TENM3: variants seen among roughly 807,000 people sequenced by gnomAD.
The protein encoded by TENM3 is teneurin transmembrane protein 3.
In TENM3, 63 loss-of-function variants were observed where a neutral mutation model predicts 255.1. The ratio of observed to expected loss-of-function variants is 0.25; its 90% confidence interval spans 0.20 to 0.30. TENM3 has a LOEUF of 0.30. TENM3 is among the 10% of genes least tolerant of loss of function. The pLI, the probability that TENM3 is intolerant of heterozygous loss-of-function variation, is 1.00. For missense variants in TENM3, 2,929 were observed against 3,461.1 expected (o/e 0.85, Z 3.86); for synonymous variants, 1,306 against 1,322.3 (o/e 0.99, Z 0.27).
chr4:182,093,400 C>T, the TENM3 span, among the ~76,000 whole-genome samples: 1 of 149,810 alleles, frequency 6.7e-6, no homozygotes, highest in Non-Finnish European at 1.5e-5. Context: ...AATCCCCAAA[C>T]CAAAATTCCC....
intron 3 of TENM3, among the ~76,000 whole-genome samples, chr4:182,479,432 C>G (rs371170782): frequency 6.6e-6 from 1 of 151,646 alleles, no homozygotes; most frequent in East Asian, 1.9e-4. Flanking sequence ...GCCCATCATC[C>G]CCAGAACACT....
upstream of TENM3, chr4:182,141,319 G>T (rs1314251346): frequency 6.6e-6 from 1 of 152,258 alleles, no homozygotes; most frequent in African/African-American, 2.4e-5. Flanking sequence ...TGAGCTGCCC[G>T]CCATCCCCGC....
At chr4:182,047,391 G>A in the TENM3 span, among the ~76,000 whole-genome samples, 30 of 151,686 alleles carry the variant, frequency 2.0e-4, no homozygotes, top group Non-Finnish European at 3.2e-4. Flanking sequence ...GTGAAACCCC[G>A]TTTCTACTAA....
At chr4:182,102,957 T>C in the TENM3 span, among the ~76,000 whole-genome samples, 1 of 152,196 alleles carries the variant, frequency 6.6e-6, no homozygotes, top group African/African-American at 2.4e-5. Context: ...CAGAAAACCA[T>C]AATAATAACA....
At chr4:182,288,187 C>T (rs1483491742) in intron 1 of TENM3, among the ~76,000 whole-genome samples, 6 of 152,110 alleles carry the variant, frequency 3.9e-5, no homozygotes, top group African/African-American at 7.2e-5. Context: ...CCACCCTCCT[C>T]GGCCTCCCAA....
At chr4:182,254,105 C>T (rs572325480) in intron 1 of TENM3, among the ~76,000 whole-genome samples, 2 of 152,252 alleles carry the variant, frequency 1.3e-5, no homozygotes, top group Admixed American at 6.5e-5. Context: ...GATGCCAAAT[C>T]GTGTTCTGTC....
At chr4:181,926,611 G>C in the TENM3 span, among the ~76,000 whole-genome samples, 1 of 152,028 alleles carries the variant, frequency 6.6e-6, no homozygotes, top group Non-Finnish European at 1.5e-5. Context: ...CCTTGAAGCT[G>C]TTGCATTTCC....
chr4:182,770,258 C>T (rs1262710645), intron 22 of TENM3, among the ~76,000 whole-genome samples: 1 of 151,794 alleles, frequency 6.6e-6, no homozygotes, highest in Admixed American at 6.6e-5. Flanking sequence ...TGATTTTTTT[C>T]ATGGTTTGTA....
chr4:182,185,451 G>T (rs947801108), intron 1 of TENM3, among the ~76,000 whole-genome samples: 8 of 152,186 alleles, frequency 5.3e-5, no homozygotes, highest in East Asian at 1.9e-4. Context: ...TGAATCTTTG[G>T]CTTTTATGAA....
At chr4:182,066,774 G>C in the TENM3 span, among the ~76,000 whole-genome samples, 3 of 151,898 alleles carry the variant, frequency 2.0e-5, no homozygotes, top group East Asian at 5.8e-4. Context: ...AGCCGGGCGT[G>C]GTGGCAGGCG....
intron 3 of TENM3, among the ~76,000 whole-genome samples, chr4:182,561,936 G>A (rs982167018): frequency 2.0e-5 from 3 of 151,384 alleles, no homozygotes; most frequent in Admixed American, 6.6e-5. Flanking sequence ...GACATATTGT[G>A]CATATATGTA....
the TENM3 span, among the ~76,000 whole-genome samples, chr4:181,792,252 A>G: frequency 6.6e-6 from 1 of 152,262 alleles, no homozygotes; most frequent in African/African-American, 2.4e-5. Flanking sequence ...GAAGAAAAAT[A>G]TCTCGACTGC....
chr4:181,591,984 T>A, the TENM3 span, among the ~76,000 whole-genome samples: 2 of 151,696 alleles, frequency 1.3e-5, no homozygotes, highest in East Asian at 3.9e-4. Context: ...CCATACTCTA[T>A]GATTTCATTT....
intron 3 of TENM3, among the ~76,000 whole-genome samples, chr4:182,447,788 A>T (rs926246018): frequency 1.3e-4 from 20 of 152,142 alleles, no homozygotes; most frequent in African/African-American, 4.8e-4. Flanking sequence ...GATTGGAAGA[A>T]AGCACCGGTG....
the TENM3 span, among the ~76,000 whole-genome samples, chr4:181,897,246 A>G: frequency 6.6e-6 from 1 of 152,186 alleles, no homozygotes. Flanking sequence ...TTTTGGCACA[A>G]ATGAAGGGGT....
intron 3 of TENM3, among the ~76,000 whole-genome samples, chr4:182,566,804 A>C (rs927325187): frequency 7.2e-5 from 11 of 152,190 alleles, no homozygotes; most frequent in Non-Finnish European, 4.4e-5. Context: ...TAGATGTCAG[A>C]ATTTCTTTGA....
intron 1 of TENM3, among the ~76,000 whole-genome samples, chr4:182,165,478 C>G (rs532343024): frequency 2.0e-5 from 3 of 152,164 alleles, no homozygotes; most frequent in African/African-American, 7.2e-5. Context: ...TTTTCTTACA[C>G]GTTCCGTCGT....
chr4:182,084,695 T>TG, the TENM3 span, among the ~76,000 whole-genome samples: 1 of 152,162 alleles, frequency 6.6e-6, no homozygotes, highest in Admixed American at 6.6e-5. Context: ...CATTAAAAAA[T>TG]GAAGAATGTA....
At chr4:182,785,581 G>T (rs1004866328) in intron 24 of TENM3, among the ~76,000 whole-genome samples, 1 of 151,268 alleles carries the variant, frequency 6.6e-6, no homozygotes, top group Non-Finnish European at 1.5e-5. Flanking sequence ...GGTGGCGCAC[G>T]CCTCTCGTCT....
Sources: gnomAD v4.1 joint callset for allele counts (sites outside exome capture counted in the v4.1 genomes callset) on GRCh38, gnomAD v4.1.1 for gene constraint, MANE v1.5 for transcripts, NCBI Gene and HGNC (gene_info 2026-07-23, HGNC 2026-07-21) for gene names.